The following ASB2 variants were observed in gnomAD, a reference collection of about 807,000 sequenced individuals.
ASB2 encodes the protein ankyrin repeat and SOCS box containing 2, also known as ankyrin repeat and SOCS box protein 2.
Under a neutral mutation model 62.4 loss-of-function variants are expected in ASB2, and 58 were observed. The ratio of observed to expected loss-of-function variants is 0.93; its 90% CI spans 0.75 to 1.16. ASB2 has a LOEUF of 1.16. ASB2 is among the 50% of genes most tolerant of loss of function. ASB2 has a pLI of 0.00. For missense variants in ASB2, 928 were observed against 887.9 expected (o/e 1.05, Z -0.57); for synonymous variants, 386 against 385.3 (o/e 1.00, Z -0.02).
intron 7 of ASB2, among the ~76,000 whole-genome samples, chr14:93,946,834 A>C (rs984521127): frequency 3.3e-5 from 5 of 152,172 alleles, no homozygotes; most frequent in African/African-American, 9.7e-5. Flanking sequence ...TTTTCCTTGC[A>C]TGCTTGCTAA....
intron 4 of ASB2, 76 bp downstream of exon 4, chr14:93,954,241 C>A: frequency 8.6e-7 from 1 of 1,167,416 alleles, no homozygotes; most frequent in Non-Finnish European, 1.3e-6. Context: ...GGGCAAAGAA[C>A]ATGAAGCCCC....
At chr14:93,943,929 CA>C (rs35894364) in intron 7 of ASB2, 106,567 of 455,652 alleles carry the variant, frequency 0.23, 14,439 homozygotes, top group East Asian at 0.59. Context: ...TAAAATACAG[CA>C]AAAGTGTTAT....
chr14:93,953,545 G>A, intron 4 of ASB2, 38 bp from the exon 5 acceptor site: 3 of 1,529,500 alleles, frequency 2.0e-6, no homozygotes, highest in Non-Finnish European at 2.7e-6. Flanking sequence ...GTAGGAGAAA[G>A]ATACTCAGCC....
chr14:93,945,879 G>A (rs1348851330), intron 7 of ASB2, among the ~76,000 whole-genome samples: 1 of 152,182 alleles, frequency 6.6e-6, no homozygotes, highest in East Asian at 1.9e-4. Flanking sequence ...CACGCAGTCT[G>A]TGCTTCTCAC....
chr14:93,942,309 C>T, intron 7 of ASB2: 2 of 455,764 alleles, frequency 4.4e-6, no homozygotes, highest in Non-Finnish European at 4.4e-6. Context: ...TGGCCCCCTA[C>T]CCCTTCCTTG....
chr14:93,954,860 G>A (rs1889119017), intron 3 of ASB2, among the ~76,000 whole-genome samples: 1 of 152,060 alleles, frequency 6.6e-6, no homozygotes. Flanking sequence ...TTAACCCTGA[G>A]CATATCTCTG....
chr14:93,953,172 G>A (rs1412474508), intron 5 of ASB2, among the ~76,000 whole-genome samples, 180 bp downstream of exon 5: 2 of 152,212 alleles, frequency 1.3e-5, no homozygotes, highest in Admixed American at 1.3e-4. Flanking sequence ...CTGGCCCATG[G>A]GATGCAGTTG....
intron 4 of ASB2, among the ~76,000 whole-genome samples, chr14:93,953,889 C>G (rs576475721): frequency 6.6e-6 from 1 of 152,300 alleles, no homozygotes; most frequent in South Asian, 2.1e-4. Context: ...GCAGGAGTTG[C>G]CCTTCTGAAC....
At chr14:93,966,975 G>T (rs1208118286) in intron 1 of ASB2, among the ~76,000 whole-genome samples, 3 of 152,220 alleles carry the variant, frequency 2.0e-5, no homozygotes, top group African/African-American at 7.2e-5. Context: ...TATGCCCGAT[G>T]CTTGGAGTGC....
chr14:93,960,243 G>T (rs1889362064), intron 2 of ASB2, among the ~76,000 whole-genome samples: 1 of 152,182 alleles, frequency 6.6e-6, no homozygotes. Flanking sequence ...TAAGTGAATT[G>T]ACCTTTTCCA....
At chr14:93,957,823 T>A (rs1035228411) in intron 2 of ASB2, among the ~76,000 whole-genome samples, 1 of 152,038 alleles carries the variant, frequency 6.6e-6, no homozygotes, top group Non-Finnish European at 1.5e-5. Flanking sequence ...GAGAACAGGG[T>A]ATATGGCCCC....
intron 7 of ASB2, chr14:93,941,632 C>T (rs765055647): frequency 2.2e-5 from 10 of 455,920 alleles, no homozygotes; most frequent in South Asian, 3.1e-5. Context: ...CCCTGGATGG[C>T]GGCCACGGCC....
At chr14:93,958,536 T>C (rs1889305876) in intron 2 of ASB2, among the ~76,000 whole-genome samples, 1 of 152,230 alleles carries the variant, frequency 6.6e-6, no homozygotes, top group Admixed American at 6.5e-5. Context: ...TCAGTTTCCT[T>C]ATTTGCAAAA....
At chr14:93,954,134 C>T in intron 4 of ASB2, 183 bp downstream of exon 4, 1 of 598,420 alleles carries the variant, frequency 1.7e-6, no homozygotes, top group Non-Finnish European at 3.0e-6. Context: ...GAGGTGGCAG[C>T]AGGGGGTGGG....
At chr14:93,972,782 G>T (rs1889797198) in intron 1 of ASB2, among the ~76,000 whole-genome samples, 1 of 152,228 alleles carries the variant, frequency 6.6e-6, no homozygotes, top group East Asian at 1.9e-4. Context: ...TCGTAGCCAG[G>T]GTGGGCCTTT....
chr14:93,937,146 C>T (rs1002954591), intron 9 of ASB2, among the ~76,000 whole-genome samples: 1 of 152,192 alleles, frequency 6.6e-6, no homozygotes, highest in Non-Finnish European at 1.5e-5. Flanking sequence ...AGGCTGGCTC[C>T]AGGGTTCAGG....
intron 9 of ASB2, among the ~76,000 whole-genome samples, chr14:93,937,143 C>T (rs766686187): frequency 2.6e-5 from 4 of 152,208 alleles, no homozygotes; most frequent in African/African-American, 9.7e-5. Context: ...GCAAGGCTGG[C>T]TCCAGGGTTC....
intron 9 of ASB2, 39 bp downstream of exon 9, chr14:93,937,659 G>T (rs755289112): frequency 1.3e-6 from 2 of 1,586,308 alleles, no homozygotes; most frequent in East Asian, 4.5e-5. Context: ...AGTCAGGCAG[G>T]GAGATCTGCC....
intron 7 of ASB2, 156 bp from the exon 8 acceptor site, chr14:93,939,828 C>T (rs1451562901): frequency 1.8e-6 from 1 of 543,172 alleles, no homozygotes; most frequent in African/African-American, 2.0e-5. Context: ...CGCCGCGGGT[C>T]AACCATTCTC....
Sources: gnomAD v4.1 joint callset for allele counts (sites outside exome capture counted in the v4.1 genomes callset) on GRCh38, gnomAD v4.1.1 for gene constraint, MANE v1.5 for transcripts, NCBI Gene and HGNC (gene_info 2026-07-23, HGNC 2026-07-21) for gene names.